Variants in SLC4A4 observed in about 807,000 individuals in gnomAD.
SLC4A4 encodes the protein solute carrier family 4 member 4.
SLC4A4 carries 27 observed loss-of-function variants against 111.5 expected under a neutral mutation model. That is an observed-to-expected ratio of 0.24 (90% CI 0.18 to 0.33). The LOEUF is 0.33. SLC4A4 is among the 10% of genes least tolerant of loss of function. SLC4A4 has a pLI of 1.00. For synonymous variants in SLC4A4, 443 were observed against 463.4 expected (o/e 0.96, Z 0.57); for missense variants, 909 against 1,315.5 (o/e 0.69, Z 4.78).
At chr4:71,412,392 A>G (rs767326038) in intron 7 of SLC4A4, among the ~76,000 whole-genome samples, 3 of 152,238 alleles carry the variant, frequency 2.0e-5, no homozygotes, top group Non-Finnish European at 4.4e-5. Flanking sequence ...CTTGAAGGGT[A>G]CAAGGCTCAT....
intron 1 of SLC4A4, among the ~76,000 whole-genome samples, chr4:71,066,910 T>C (rs1741530413): frequency 6.6e-6 from 1 of 152,190 alleles, no homozygotes. Context: ...CTTAGTGGGT[T>C]TGCCCTAGAG....
intron 6 of SLC4A4, among the ~76,000 whole-genome samples, chr4:71,397,304 T>C (rs1302929578): frequency 6.6e-6 from 1 of 152,208 alleles, no homozygotes; most frequent in African/African-American, 2.4e-5. Context: ...TTTATGCTTA[T>C]TGTCTTAGAA....
intron 7 of SLC4A4, among the ~76,000 whole-genome samples, chr4:71,411,361 C>T (rs777941780): frequency 2.2e-4 from 33 of 151,582 alleles, no homozygotes; most frequent in Admixed American, 1.0e-3. Context: ...TTCTGTGACA[C>T]GCCCCCCCCC....
chr4:71,225,793 A>G (rs972379898), intron 1 of SLC4A4, among the ~76,000 whole-genome samples: 12 of 152,216 alleles, frequency 7.9e-5, no homozygotes, highest in Admixed American at 5.2e-4. Flanking sequence ...CTGCCTGCCA[A>G]TCTGCATCTG....
chr4:71,505,479 G>A (rs1410343364), intron 16 of SLC4A4, among the ~76,000 whole-genome samples: 1 of 150,882 alleles, frequency 6.6e-6, no homozygotes, highest in East Asian at 2.0e-4. Flanking sequence ...TCATATGTTT[G>A]CTGGCCACAT....
At chr4:71,459,798 A>T (rs930305060) in intron 12 of SLC4A4, among the ~76,000 whole-genome samples, 3 of 152,088 alleles carry the variant, frequency 2.0e-5, no homozygotes, top group Non-Finnish European at 4.4e-5. Context: ...ACGGACAAGG[A>T]TGTCCACTTG....
chr4:71,432,342 A>T (rs1003693892), intron 7 of SLC4A4, among the ~76,000 whole-genome samples: 5 of 152,120 alleles, frequency 3.3e-5, no homozygotes, highest in African/African-American at 1.2e-4. Context: ...GAGGAAGATT[A>T]TTCTAGAAAT....
chr4:71,366,315 TTGTGTGTGTGTGTGTG>T (rs71673473), intron 6 of SLC4A4, among the ~76,000 whole-genome samples: 1 of 137,914 alleles, frequency 7.3e-6, no homozygotes, highest in Non-Finnish European at 1.6e-5. Context: ...TCTGGAGATA[TTGTGTGTGTGTGTGTG>T]TGTGTGTGTG....
chr4:71,261,604 G>A (rs13147721), intron 3 of SLC4A4, among the ~76,000 whole-genome samples: 14,102 of 152,248 alleles, frequency 0.093, 930 homozygotes, highest in Non-Finnish European at 0.15. Flanking sequence ...AGAGGACTGT[G>A]TCATAGTGCT....
At chr4:71,533,565 A>G (rs1373163651) in intron 17 of SLC4A4, among the ~76,000 whole-genome samples, 1 of 151,866 alleles carries the variant, frequency 6.6e-6, no homozygotes, top group Non-Finnish European at 1.5e-5. Context: ...AAAACAGACT[A>G]AGAACTGCAA....
intron 12 of SLC4A4, among the ~76,000 whole-genome samples, chr4:71,457,560 T>A (rs934323738): frequency 1.3e-5 from 2 of 152,160 alleles, no homozygotes; most frequent in Non-Finnish European, 2.9e-5. Context: ...AATGGAGGAC[T>A]AGAACATAAG....
At position 71,339,113 on chromosome 4, in the gene SLC4A4, C is replaced by T. The variant is rs1012318141; in HGVS notation, c.254-257C>T. 5.6e-6 allele frequency: 9 copies of T among 1,605,810 alleles called. No individual in the cohort carries two copies. In the African/African-American group the frequency reaches 6.7e-5, roughly 12 times the overall value. The stretch of plus-strand genomic sequence containing the variant: ...TGAGGGCTAAAGGTTCTTTGTGACA[C>T]ATCACACAGAATTGGAGTGCTGTCC... On this transcript the variant is annotated intron_variant, in intron 3 of 25. Coordinates refer to ENST00000264485, the MANE Select transcript of SLC4A4 (RefSeq NM_001098484.3).
intron 1 of SLC4A4, among the ~76,000 whole-genome samples, chr4:71,187,866 G>GCGGCCC (rs1745555163): frequency 6.6e-6 from 1 of 152,162 alleles, no homozygotes; most frequent in African/African-American, 2.4e-5. Flanking sequence ...TACCGAGGCC[G>GCGGCCC]CGGCCCCCAC....
intron 7 of SLC4A4, among the ~76,000 whole-genome samples, chr4:71,433,592 AC>A (rs1484867240): frequency 6.6e-6 from 1 of 151,956 alleles, no homozygotes; most frequent in Non-Finnish European, 1.5e-5. Context: ...TTGTCTGTTC[AC>A]TCTGATGATA....
chr4:71,537,358 A>ATG lies in SLC4A4; in HGVS notation c.2442+2971_2442+2972insGT, dbSNP rs1324941031. Among the ~76,000 whole-genome samples the ATG allele has an allele frequency of 2.4e-4, 35 of 148,394 alleles. 1 individual carries two copies. Among genetic ancestry groups the ATG allele is most frequent in the South Asian group, 8.5e-4 (4 of 4,696 alleles). On this transcript the variant is annotated intron_variant, in intron 18 of 25. Transcript: ENST00000264485. Reference sequence around the variant, plus strand: ...GTATATATTATACATATATGTGTATATATACATATGTGTGTATATATACAT... The same window carrying ATG: ...GTATATATTATACATATATGTGTATATGTATACATATGTGTGTATATATACAT...
intron 2 of SLC4A4, among the ~76,000 whole-genome samples, chr4:71,240,963 A>G (rs912533010): frequency 1.4e-5 from 2 of 141,228 alleles, no homozygotes; most frequent in African/African-American, 5.6e-5. Context: ...ACAGAGAAAT[A>G]AAAAAAAAAA....
At chr4:71,295,161 A>G (rs2148831010) in intron 3 of SLC4A4, among the ~76,000 whole-genome samples, 1 of 152,306 alleles carries the variant, frequency 6.6e-6, no homozygotes, top group East Asian at 1.9e-4. Flanking sequence ...TTGGAGATGG[A>G]CTGAATTTAG....
chr4:71,241,406 ACATTTTAC>A (rs1720211850), intron 2 of SLC4A4, among the ~76,000 whole-genome samples: 1 of 152,168 alleles, frequency 6.6e-6, no homozygotes, highest in Non-Finnish European at 1.5e-5. Flanking sequence ...CAAGACCTCA[ACATTTTAC>A]AGACATGAAA....
rs115918800 is a variant in SLC4A4 at position 71,202,696 on chromosome 4, G to T, written c.-2+15295G>T. Among the ~76,000 whole-genome samples, 481 of 152,044 alleles carry T rather than the reference G, an allele frequency of 3.2e-3. 2 individuals carry two copies. Among genetic ancestry groups the T allele is most frequent in the South Asian group, 0.012 (58 of 4,808 alleles). On this transcript the variant is annotated intron_variant, in intron 1 of 25. Coordinates refer to ENST00000264485, the MANE Select transcript of SLC4A4 (RefSeq NM_001098484.3). ...TCCCCAGTTTTAATTTAAATTGCTC[G>T]TACTTATTCTCCATTTCTTTTAAAG...
Sources: allele counts gnomAD v4.1 joint callset (sites outside exome capture counted in the v4.1 genomes callset), GRCh38; gene constraint gnomAD v4.1.1; transcripts MANE v1.5; gene names NCBI Gene and HGNC (gene_info 2026-07-23, HGNC 2026-07-21).